The following COX16 variants were observed in gnomAD, a reference collection of about 807,000 sequenced individuals.
COX16 encodes the protein cytochrome c oxidase assembly factor COX16, also known as cytochrome c oxidase assembly protein COX16 homolog, mitochondrial.
Under a neutral mutation model 15.4 loss-of-function variants are expected in COX16, and 12 were observed. The ratio of observed to expected loss-of-function variants is 0.78; its 90% confidence interval spans 0.50 to 1.26. The LOEUF (loss-of-function observed/expected upper bound fraction) is 1.26. Ranked by LOEUF, COX16 falls within the 50% of genes most tolerant of loss-of-function variation. The probability of loss-of-function intolerance (pLI) is 0.00; values close to 1 mark genes in which losing one functional copy is unlikely to be tolerated. For synonymous variants in COX16, 46 were observed against 41.1 expected (o/e 1.12, Z -0.46); for missense variants, 124 against 127.6 (o/e 0.97, Z 0.14).
intron 3 of COX16, among the ~76,000 whole-genome samples, chr14:70,328,906 CAA>C (rs559425386): frequency 1.2e-3 from 184 of 151,976 alleles, no homozygotes; most frequent in African/African-American, 4.2e-3. Flanking sequence ...TTTTTTGACT[CAA>C]GACAACAAAC....
chr14:70,326,695 A>G (rs1387171259), intron 3 of COX16, among the ~76,000 whole-genome samples: 1 of 152,214 alleles, frequency 6.6e-6, no homozygotes, highest in Non-Finnish European at 1.5e-5. Flanking sequence ...AAAATAGAGA[A>G]AGAGTCTACA....
chr14:70,358,116 C>T (rs1229795740), intron 1 of COX16, among the ~76,000 whole-genome samples: 4 of 152,082 alleles, frequency 2.6e-5, no homozygotes, highest in African/African-American at 7.2e-5. Context: ...AGAATCCAGT[C>T]ACAAAAAACC....
At chr14:70,339,806 G>A (rs908573821) in intron 2 of COX16, among the ~76,000 whole-genome samples, 3 of 151,912 alleles carry the variant, frequency 2.0e-5, no homozygotes, top group East Asian at 1.9e-4. Flanking sequence ...AACCAACCTC[G>A]GCCTCTAAAT....
In COX16 at chr14:70,325,757, A is replaced by T. The variant is rs980334680; in HGVS notation, c.*576T>A. 6.6e-6 allele frequency: 1 copy of T among 152,188 alleles called. No homozygotes were observed. The highest frequency in any genetic ancestry group is 1.5e-5 in the Non-Finnish European group (1 of 68,022). The allele number at this position is 152,188 out of a possible 1,614,324, so 9.4% of individuals were successfully genotyped here. On this transcript the variant is annotated 3_prime_UTR_variant, in exon 4 of 4. Transcript: ENST00000389912. ...AATTTTTGACAACCATAAATAATAT[A>T]ATTTCCTTGACATGTTAATGGTATC...
intron 3 of COX16, among the ~76,000 whole-genome samples, chr14:70,326,813 T>C (rs182830554): frequency 1.8e-4 from 27 of 152,186 alleles, no homozygotes; most frequent in Admixed American, 7.8e-4. Context: ...GGGATGATGG[T>C]AGAAAATAAG....
chr14:70,346,950 C>A (rs1886801969), intron 1 of COX16, among the ~76,000 whole-genome samples: 1 of 152,124 alleles, frequency 6.6e-6, no homozygotes, highest in South Asian at 2.1e-4. Context: ...CCCCTCGGGG[C>A]ATCTAACTTT....
At chr14:70,352,751 T>A (rs2140750937) in intron 1 of COX16, among the ~76,000 whole-genome samples, 1 of 149,454 alleles carries the variant, frequency 6.7e-6, no homozygotes, top group South Asian at 2.1e-4. Flanking sequence ...GTTCAAGAGA[T>A]CCTCCTGCCT....
intron 1 of COX16, among the ~76,000 whole-genome samples, chr14:70,351,516 A>G (rs1275206666): frequency 6.6e-6 from 1 of 152,244 alleles, no homozygotes; most frequent in Non-Finnish European, 1.5e-5. Context: ...ATTTTATTGC[A>G]TTCACTTCTT....
intron 1 of COX16, among the ~76,000 whole-genome samples, chr14:70,350,266 G>C (rs1180260028): frequency 6.6e-6 from 1 of 152,156 alleles, no homozygotes; most frequent in African/African-American, 2.4e-5. Flanking sequence ...CCCAGAAAGA[G>C]GCCAATCCAG....
At chr14:70,345,547 C>CGA (rs1886753284) in intron 1 of COX16, among the ~76,000 whole-genome samples, 1 of 152,194 alleles carries the variant, frequency 6.6e-6, no homozygotes. Context: ...GATATTCGCT[C>CGA]TAAGTACCTG....
At chr14:70,340,420 T>A (rs778761112) in intron 2 of COX16, among the ~76,000 whole-genome samples, 8 of 152,182 alleles carry the variant, frequency 5.3e-5, no homozygotes, top group Non-Finnish European at 1.2e-4. Context: ...ATACACTGGG[T>A]TATTGGCACC....
At position 70,346,346 on chromosome 14, in the gene COX16, G is replaced by C. The variant is rs116583649; in HGVS notation, c.70-3617C>G. Among the ~76,000 whole-genome samples, 1,161 of 152,298 alleles carry C rather than the reference G, an allele frequency of 7.6e-3. 8 individuals are homozygous for C. The highest frequency in any genetic ancestry group is 0.021 in the African/African-American group (870 of 41,568). ...CCATCAGGGGCCCTGCAGGCCCACG[G>C]GTCCGCAGCTCCACACGGAAGCCTC... On this transcript the variant is annotated intron_variant, in intron 1 of 3. Transcript: ENST00000389912.
At chr14:70,335,472 A>T (rs890219821) in intron 2 of COX16, among the ~76,000 whole-genome samples, 1 of 152,198 alleles carries the variant, frequency 6.6e-6, no homozygotes, top group Non-Finnish European at 1.5e-5. Flanking sequence ...CAAATTCAAA[A>T]AAGTATCAAT....
chr14:70,340,858 T>C (rs371278595), intron 2 of COX16, among the ~76,000 whole-genome samples: 167 of 152,334 alleles, frequency 1.1e-3, no homozygotes, highest in African/African-American at 3.8e-3. Context: ...TAGAAAACTT[T>C]CTCTGATTCT....
rs1256356883 is a variant in COX16 at position 70,325,312 on chromosome 14, T to C, written c.*1021A>G. 1 of 152,240 alleles carries C rather than the reference T, an allele frequency of 6.6e-6. No homozygotes were observed. The highest frequency in any genetic ancestry group is 1.5e-5 in the Non-Finnish European group (1 of 68,084). The allele number at this position is 152,240 out of a possible 1,614,324, so 9.4% of individuals were successfully genotyped here. A position where few individuals can be genotyped will look rare whatever the true frequency, so the allele number is the denominator to read the frequency against. On this transcript the variant is annotated 3_prime_UTR_variant, in exon 4 of 4. Transcript: ENST00000389912. Reference sequence around the variant, plus strand: ...ACAACTAACTTTCGGCCAGGCGTGGTGGCTCACACCTGTAATCCCAGCAAT... The same window carrying C: ...ACAACTAACTTTCGGCCAGGCGTGGCGGCTCACACCTGTAATCCCAGCAAT...
intron 1 of COX16, among the ~76,000 whole-genome samples, chr14:70,355,523 G>C (rs956275936): frequency 1.3e-5 from 2 of 152,122 alleles, no homozygotes; most frequent in African/African-American, 4.8e-5. Flanking sequence ...GTACCACCGG[G>C]TGAACAAAGC....
At chr14:70,359,151 T>A in intron 1 of COX16, 1 of 464,934 alleles carries the variant, frequency 2.2e-6, no homozygotes, top group South Asian at 1.5e-5. Context: ...GGAAGCAAGC[T>A]TAGTAATCAT....
At chr14:70,329,698 A>C (rs1027746335) in intron 2 of COX16, among the ~76,000 whole-genome samples, 7 of 143,618 alleles carry the variant, frequency 4.9e-5, no homozygotes, top group Non-Finnish European at 9.1e-5. Flanking sequence ...AATACCTTCC[A>C]TGGGCCAGAA....
intron 1 of COX16, among the ~76,000 whole-genome samples, chr14:70,346,582 G>A (rs771804300): frequency 1.3e-5 from 2 of 152,228 alleles, no homozygotes; most frequent in Non-Finnish European, 2.9e-5. Context: ...TGGCCTTGCC[G>A]CTGAAGATTG....
Sources: gnomAD v4.1 joint callset for allele counts (sites outside exome capture counted in the v4.1 genomes callset) on GRCh38, gnomAD v4.1.1 for gene constraint, MANE v1.5 for transcripts, NCBI Gene and HGNC (gene_info 2026-07-23, HGNC 2026-07-21) for gene names.